EDA2R: variants seen among roughly 807,000 people sequenced by gnomAD.
EDA2R encodes tumor necrosis factor receptor superfamily member 27.
In EDA2R, 26 loss-of-function variants were observed where a neutral mutation model predicts 20.1. That is an observed-to-expected ratio of 1.30 (90% CI 0.95 to 1.80). The LOEUF is 1.80. Among genes scored for constraint, EDA2R ranks in the 40% most tolerant of loss-of-function variants. The probability of loss-of-function intolerance (pLI) is 0.00; values close to 1 mark genes in which losing one functional copy is unlikely to be tolerated. For synonymous variants in EDA2R, 114 were observed against 88.7 expected (o/e 1.29, Z -1.60); for missense variants, 277 against 228.7 (o/e 1.21, Z -1.36).
chrX:66,621,454 G>T (rs1167712093), intron 1 of EDA2R, among the ~76,000 whole-genome samples: 1 of 112,182 alleles, frequency 8.9e-6, no homozygotes, highest in Non-Finnish European at 1.9e-5. Context: ...GTAAACAAAT[G>T]TTCCTAGCAG....
chrX:66,616,075 C>A (rs1931637581), intron 1 of EDA2R, 45 bp from the exon 2 acceptor site: 1 of 961,110 alleles, frequency 1.0e-6, no homozygotes, highest in African/African-American at 1.9e-5. Flanking sequence ...TGGGAAGGGA[C>A]TATAAGTAGT....
At chrX:66,606,175 C>G (rs1003369601) in intron 2 of EDA2R, among the ~76,000 whole-genome samples, 1 of 112,037 alleles carries the variant, frequency 8.9e-6, no homozygotes, top group East Asian at 2.8e-4. Context: ...CTCAAAGAAA[C>G]AATTCTAGTT....
intron 2 of EDA2R, among the ~76,000 whole-genome samples, chrX:66,611,015 G>A (rs1302808563): frequency 4.5e-5 from 5 of 111,411 alleles, no homozygotes; most frequent in Non-Finnish European, 1.9e-5. Context: ...CATGGGAAAT[G>A]TTCTTTGACT....
At chrX:66,613,175 C>T (rs969690351) in intron 2 of EDA2R, among the ~76,000 whole-genome samples, 2 of 111,260 alleles carry the variant, frequency 1.8e-5, no homozygotes, top group African/African-American at 6.5e-5. Context: ...ATTAATACAT[C>T]AAAGGGAAAA....
rs1463427294 is a variant in EDA2R at position 66,635,861 on chromosome X, A to G, written c.-11+3134T>C. 5.4e-5 allele frequency among the ~76,000 whole-genome samples: 6 copies of G among 112,066 alleles called. No individual in the cohort carries two copies. In the Admixed American group the frequency reaches 5.7e-4, roughly 11 times the overall value. On this transcript the variant is annotated intron_variant, in intron 1 of 6. Transcript: ENST00000374719. Reference sequence around the variant, plus strand: ...GGATAAGGAATCAGTGGGATGATGGATTTGAAAGTATTTAGCACATAGTGG... The same window carrying G: ...GGATAAGGAATCAGTGGGATGATGGGTTTGAAAGTATTTAGCACATAGTGG...
Position 66,620,044 on chromosome X carries a change from A to G in EDA2R, c.-10-4014T>C, listed in dbSNP as rs753419435. On this transcript the variant is annotated intron_variant, in intron 1 of 6. Coordinates refer to ENST00000374719, the MANE Select transcript of EDA2R (RefSeq NM_021783.5). The stretch of plus-strand genomic sequence containing the variant: ...CCAGATAATTACAGCACTGGCTTCT[A>G]TCACTACAATTAGTTATACCTGTCC... Among the ~76,000 whole-genome samples, 76 of 111,552 alleles carry G rather than the reference A, an allele frequency of 6.8e-4. 1 individual carries two copies. Among genetic ancestry groups the G allele is most frequent in the African/African-American group, 2.4e-3 (74 of 30,684 alleles).
intron 3 of EDA2R, among the ~76,000 whole-genome samples, chrX:66,604,842 G>A (rs761304887): frequency 3.1e-4 from 35 of 112,007 alleles, no homozygotes; most frequent in African/African-American, 1.0e-3. Flanking sequence ...ATGGAAAAGC[G>A]GTCAAGTACT....
In EDA2R at chrX:66,628,364, C is replaced by CA. The variant is rs1012031833; in HGVS notation, c.-11+10630dup. ...GAACTAAATGAAATTGAAACAACAACAAAAAAAAACACACGAAAGATAAAT... is the reference window on the plus strand; with the variant it reads ...GAACTAAATGAAATTGAAACAACAACAAAAAAAAAACACACGAAAGATAAAT... On this transcript the variant is annotated intron_variant, in intron 1 of 6. Transcript: ENST00000374719. Among the ~76,000 whole-genome samples the CA allele has an allele frequency of 7.6e-4, 82 of 107,201 alleles. 1 individual carries two copies. The highest frequency in any genetic ancestry group is 1.6e-3 in the South Asian group (4 of 2,512). The allele number at this position is 107,201 out of a possible 115,157, so 93.1% of individuals were successfully genotyped here.
rs1312940431 is a variant in EDA2R at position 66,599,812 on chromosome X, A to G, written c.566T>C (p.Leu189Pro). The stretch of plus-strand genomic sequence containing the variant: ...CTCCTTGCTGGGTGGCACGGGGAAG[A>G]GAGATTCCTCCTTTGCTGTTTTATC... ...EADKTAKEES[L>P]FPVPPSKETS... The change falls in exon 6 of 7, where the codon CTC (leucine) becomes CCC (proline). Residue 189 changes from leucine to proline, a missense_variant. By Grantham distance (98) the Leu-to-Pro change is moderately conservative. Coordinates refer to ENST00000374719, the MANE Select transcript of EDA2R (RefSeq NM_021783.5). 3 of 1,208,740 alleles carry G rather than the reference A, an allele frequency of 2.5e-6. No homozygotes were observed. Among genetic ancestry groups the G allele is most frequent in the Non-Finnish European group, 3.4e-6 (3 of 894,240 alleles).
In EDA2R at chrX:66,596,337, G is replaced by A. The variant is rs767481572; in HGVS notation, c.*1767C>T. The A allele has an allele frequency of 3.6e-5, 4 of 110,558 alleles. No individual in the cohort carries two copies. Among genetic ancestry groups the A allele is most frequent in the Non-Finnish European group, 5.7e-5 (3 of 52,955 alleles). 9.1% of individuals were successfully genotyped at this position (110,558 alleles called of 1,213,427 possible). On this transcript the variant is annotated 3_prime_UTR_variant, in exon 7 of 7. Coordinates refer to ENST00000374719, the MANE Select transcript of EDA2R (RefSeq NM_021783.5). ...ATGGCCAAACAGAAATTATAAAGAC[G>A]AAAATCCTTCACTTCACCTTTACCC...
chrX:66,620,182 G>T (rs752712783), intron 1 of EDA2R, among the ~76,000 whole-genome samples: 1 of 112,118 alleles, frequency 8.9e-6, no homozygotes, highest in African/African-American at 3.2e-5. Flanking sequence ...AGCAACATTT[G>T]TTAATTACTA....
At chrX:66,615,311 C>T (rs1931481743) in intron 2 of EDA2R, among the ~76,000 whole-genome samples, 1 of 111,862 alleles carries the variant, frequency 8.9e-6, no homozygotes, top group Non-Finnish European at 1.9e-5. Flanking sequence ...TAGCTGCTTG[C>T]TTCTGGCCTC....
intron 2 of EDA2R, among the ~76,000 whole-genome samples, chrX:66,613,496 T>G (rs1461514942): frequency 2.7e-5 from 3 of 111,528 alleles, no homozygotes; most frequent in African/African-American, 9.8e-5. Flanking sequence ...CATAAAGTCC[T>G]CATAAATTAG....
At chrX:66,614,417 T>A (rs1300277478) in intron 2 of EDA2R, among the ~76,000 whole-genome samples, 1 of 112,444 alleles carries the variant, frequency 8.9e-6, no homozygotes, top group Non-Finnish European at 1.9e-5. Context: ...TTCAACTTAC[T>A]ACATCCTAAT....
intron 1 of EDA2R, among the ~76,000 whole-genome samples, chrX:66,633,674 T>C (rs1934059188): frequency 9.0e-6 from 1 of 111,266 alleles, no homozygotes; most frequent in East Asian, 2.8e-4. Context: ...TGCTCTGCTG[T>C]TATCCTAGCC....
chrX:66,603,939 A>G (rs1929139603), intron 4 of EDA2R, among the ~76,000 whole-genome samples: 1 of 112,354 alleles, frequency 8.9e-6, no homozygotes, highest in South Asian at 3.7e-4. Context: ...TAATTTTAAA[A>G]TAGGAAGTAA....
chrX:66,604,547 A>G, intron 3 of EDA2R, 41 bp from the exon 4 acceptor site: 1 of 1,137,481 alleles, frequency 8.8e-7, no homozygotes, highest in Non-Finnish European at 1.2e-6. Flanking sequence ...TGATCAAACA[A>G]GCAATGCACT....
At chrX:66,616,164 C>G in intron 1 of EDA2R, 134 bp from the exon 2 acceptor site, 1 of 459,294 alleles carries the variant, frequency 2.2e-6, no homozygotes, top group Non-Finnish European at 3.9e-6. Context: ...GAAGCCAACA[C>G]AAAAGAGTTA....
chrX:66,634,179 T>C (rs1934115032), intron 1 of EDA2R, among the ~76,000 whole-genome samples: 1 of 112,141 alleles, frequency 8.9e-6, no homozygotes, highest in Non-Finnish European at 1.9e-5. Flanking sequence ...ATGAGGCATG[T>C]CTGTACAAAA....
Sources: gnomAD v4.1 joint callset for allele counts (sites outside exome capture counted in the v4.1 genomes callset) on GRCh38, gnomAD v4.1.1 for gene constraint, MANE v1.5 for transcripts, NCBI Gene and HGNC (gene_info 2026-07-23, HGNC 2026-07-21) for gene names.